The following GGTA1 variants were observed in gnomAD, a reference collection of about 807,000 sequenced individuals.
The protein encoded by GGTA1 is inactive N-acetyllactosaminide alpha-1,3-galactosyltransferase.
A neutral mutation model predicts 2.6 loss-of-function variants in GGTA1; 5 were observed. The ratio of observed to expected loss-of-function variants is 1.92; its 90% CI spans 1.00 to 4.04. GGTA1 has a LOEUF of 4.04. GGTA1 is among the 30% of genes most tolerant of loss of function. GGTA1 has a pLI of 0.00. For synonymous variants in GGTA1, 17 were observed against 5.0 expected (o/e 3.38, Z -3.19); for missense variants, 50 against 16.7 (o/e 2.99, Z -3.47).
intron 7 of GGTA1, among the ~76,000 whole-genome samples, chr9:121,448,627 G>T (rs1160175050): frequency 6.6e-6 from 1 of 152,130 alleles, no homozygotes; most frequent in African/African-American, 2.4e-5. Context: ...AAAATTAAAA[G>T]AAATTTAAAA....
intron 1 of GGTA1, among the ~76,000 whole-genome samples, chr9:121,482,061 C>G (rs764301522): frequency 5.1e-4 from 77 of 152,190 alleles, no homozygotes; most frequent in Admixed American, 1.7e-3. Context: ...GCTGAGCTCT[C>G]CTGGGCACTG....
chr9:121,461,456 A>G (rs1232063909), intron 3 of GGTA1, 139 bp from the exon 4 acceptor site: 2 of 370,810 alleles, frequency 5.4e-6, no homozygotes, highest in Non-Finnish European at 1.0e-5. Context: ...ACAGACAGAA[A>G]TGAGACACTC....
chr9:121,472,300 G>T (rs1280988263), intron 1 of GGTA1, among the ~76,000 whole-genome samples: 1 of 152,156 alleles, frequency 6.6e-6, no homozygotes, highest in Non-Finnish European at 1.5e-5. Flanking sequence ...TCAGATAAGG[G>T]ATTGTGGACC....
At chr9:121,461,663 C>G (rs551452722) in intron 3 of GGTA1, among the ~76,000 whole-genome samples, 1 of 152,266 alleles carries the variant, frequency 6.6e-6, no homozygotes, top group East Asian at 1.9e-4. Context: ...GACATTTTCC[C>G]TCTCTGAATT....
chr9:121,447,597 T>C (rs1381183872), exon 8 of GGTA1: 2 of 152,470 alleles, frequency 1.3e-5, no homozygotes, highest in Non-Finnish European at 2.9e-5. Flanking sequence ...GATCATTATA[T>C]CTGAAACAAA....
chr9:121,448,907 C>A (rs1271581287), intron 7 of GGTA1, among the ~76,000 whole-genome samples: 1 of 152,206 alleles, frequency 6.6e-6, no homozygotes, highest in Non-Finnish European at 1.5e-5. Context: ...TGACATGTAT[C>A]CACCATTATA....
At chr9:121,450,535 G>A (rs2118745803), downstream of GGTA1, among the ~76,000 whole-genome samples, 1 of 152,322 alleles carries the variant, frequency 6.6e-6, no homozygotes, top group Middle Eastern at 3.4e-3. Flanking sequence ...AGGGCAGAAT[G>A]CTTTCACCAG....
intron 4 of GGTA1, 46 bp downstream of exon 4, chr9:121,461,206 G>A (rs1235658793): frequency 6.7e-6 from 3 of 446,004 alleles, no homozygotes; most frequent in South Asian, 4.8e-5. Context: ...CCCTCTGCAA[G>A]CACCAGGCGG....
chr9:121,494,362 C>G (rs1039290059), intron 1 of GGTA1, among the ~76,000 whole-genome samples: 2 of 152,240 alleles, frequency 1.3e-5, no homozygotes, highest in South Asian at 2.1e-4. Context: ...CTTGGAAACT[C>G]TCATGGCCGG....
chr9:121,486,508 C>A (rs1828756734), intron 1 of GGTA1, among the ~76,000 whole-genome samples: 1 of 152,218 alleles, frequency 6.6e-6, no homozygotes, highest in African/African-American at 2.4e-5. Flanking sequence ...GCCCCACAAC[C>A]CTCTGGGCCA....
chr9:121,457,661 A>T (rs1012201622), intron 5 of GGTA1, among the ~76,000 whole-genome samples: 2 of 149,108 alleles, frequency 1.3e-5, no homozygotes, highest in Non-Finnish European at 3.0e-5. Flanking sequence ...AGATTGCGCC[A>T]CTGCACTCCA....
At chr9:121,484,291 A>G (rs139277287) in intron 1 of GGTA1, among the ~76,000 whole-genome samples, 43 of 152,320 alleles carry the variant, frequency 2.8e-4, no homozygotes, top group African/African-American at 9.6e-4. Context: ...CTAGATTCAC[A>G]TGGCAACAGT....
At chr9:121,472,461 G>C (rs1554837221) in intron 1 of GGTA1, among the ~76,000 whole-genome samples, 1 of 152,224 alleles carries the variant, frequency 6.6e-6, no homozygotes, top group Non-Finnish European at 1.5e-5. Context: ...CAGGCTGTTG[G>C]GAGGATGCAA....
chr9:121,448,067 G>A (rs1479084148), intron 7 of GGTA1, among the ~76,000 whole-genome samples: 3 of 152,072 alleles, frequency 2.0e-5, no homozygotes, highest in Non-Finnish European at 4.4e-5. Flanking sequence ...TCTAACTCTG[G>A]GGGTTACATA....
At chr9:121,470,291 G>A (rs1828362460) in intron 1 of GGTA1, among the ~76,000 whole-genome samples, 1 of 152,192 alleles carries the variant, frequency 6.6e-6, no homozygotes, top group African/African-American at 2.4e-5. Context: ...TAGGTGTCAG[G>A]GACAAGGGAG....
At chr9:121,459,844 G>A (rs2064945222) in intron 5 of GGTA1, among the ~76,000 whole-genome samples, 1 of 152,222 alleles carries the variant, frequency 6.6e-6, no homozygotes, top group Non-Finnish European at 1.5e-5. Context: ...ATACAACCAT[G>A]TTGATTGATT....
At chr9:121,477,719 G>T (rs1013167040) in intron 1 of GGTA1, among the ~76,000 whole-genome samples, 5 of 151,808 alleles carry the variant, frequency 3.3e-5, no homozygotes, top group Non-Finnish European at 5.9e-5. Flanking sequence ...GGGACTACAG[G>T]CACCCGCCAC....
chr9:121,480,268 G>A (rs910761197), intron 1 of GGTA1, among the ~76,000 whole-genome samples: 2 of 152,040 alleles, frequency 1.3e-5, no homozygotes, highest in Admixed American at 6.6e-5. Flanking sequence ...ACGTTGGCCA[G>A]GATGGTCTCG....
chr9:121,459,950 C>A (rs10985252), intron 5 of GGTA1, among the ~76,000 whole-genome samples, 154 bp downstream of exon 5: 33,354 of 152,176 alleles, frequency 0.22, 4,318 homozygotes, highest in Middle Eastern at 0.3. Flanking sequence ...CAAATAGATG[C>A]ACATATACAT....
Sources: allele counts gnomAD v4.1 joint callset (sites outside exome capture counted in the v4.1 genomes callset), GRCh38; gene constraint gnomAD v4.1.1; transcripts MANE v1.5; gene names NCBI Gene and HGNC (gene_info 2026-07-23, HGNC 2026-07-21).